LOC128706666: variants seen among roughly 807,000 people sequenced by gnomAD.
At chr20:10,430,040 AAAAAAC>A in the LOC128706666 span, among the ~76,000 whole-genome samples, 5 of 151,946 alleles carry the variant, frequency 3.3e-5, no homozygotes, top group African/African-American at 1.2e-4. Flanking sequence ...ACAAAAAACA[AAAAAAC>A]AAAAACAAAA....
At chr20:10,414,265 C>CTTTTTTTTTTTT in the LOC128706666 span, among the ~76,000 whole-genome samples, 1 of 132,360 alleles carries the variant, frequency 7.6e-6, no homozygotes, top group Non-Finnish European at 1.6e-5. Context: ...GTCTCTGAGT[C>CTTTTTTTTTTTT]TTTTTTTTTT....
At chr20:10,426,889 A>G in the LOC128706666 span, among the ~76,000 whole-genome samples, 1 of 152,200 alleles carries the variant, frequency 6.6e-6, no homozygotes, top group Non-Finnish European at 1.5e-5. Context: ...GGGTTAGTTC[A>G]GTTTTCTTTA....
At chr20:10,422,797 C>T in the LOC128706666 span, among the ~76,000 whole-genome samples, 112 of 151,734 alleles carry the variant, frequency 7.4e-4, 1 homozygote, top group African/African-American at 2.4e-3. Context: ...CTGCAAGCTC[C>T]GCCTCCCAGG....
chr20:10,427,273 T>C, the LOC128706666 span, among the ~76,000 whole-genome samples: 167 of 152,332 alleles, frequency 1.1e-3, no homozygotes, highest in Middle Eastern at 3.4e-3. Context: ...ATTTTGCCTA[T>C]TGGGCTTGCT....
At chr20:10,428,565 G>A in the LOC128706666 span, among the ~76,000 whole-genome samples, 5 of 152,162 alleles carry the variant, frequency 3.3e-5, no homozygotes, top group Admixed American at 2.6e-4. Context: ...TCAGCTGGGC[G>A]CGGTGGCTCA....
chr20:10,425,114 T>C, the LOC128706666 span, among the ~76,000 whole-genome samples: 1 of 151,184 alleles, frequency 6.6e-6, no homozygotes, highest in Non-Finnish European at 1.5e-5. Flanking sequence ...AAATATAGTA[T>C]AGTATAACCT....
At chr20:10,431,473 A>G in the LOC128706666 span, among the ~76,000 whole-genome samples, 3 of 152,110 alleles carry the variant, frequency 2.0e-5, no homozygotes, top group African/African-American at 7.2e-5. Context: ...TACAGGTTTG[A>G]GAAGATAATG....
chr20:10,429,967 C>A, the LOC128706666 span, among the ~76,000 whole-genome samples: 1 of 152,030 alleles, frequency 6.6e-6, no homozygotes, highest in Non-Finnish European at 1.5e-5. Flanking sequence ...AGTTTGAGAC[C>A]CACTGTTCTA....
the LOC128706666 span, among the ~76,000 whole-genome samples, chr20:10,421,416 C>CAAAAAA: frequency 1.2e-5 from 1 of 86,116 alleles, no homozygotes. Flanking sequence ...GACTCCATCA[C>CAAAAAA]AAAAAAAAAA....
chr20:10,419,106 C>A, the LOC128706666 span, among the ~76,000 whole-genome samples: 8,018 of 152,148 alleles, frequency 0.053, 254 homozygotes, highest in Admixed American at 0.079. Flanking sequence ...AAGTCAAAAT[C>A]TCAGACCAAG....
chr20:10,413,876 G>T, the LOC128706666 span: 3 of 424,396 alleles, frequency 7.1e-6, no homozygotes, highest in South Asian at 8.4e-5. Flanking sequence ...TAATCCAACT[G>T]GTATTTTTCA....
At chr20:10,426,811 A>G in the LOC128706666 span, among the ~76,000 whole-genome samples, 1 of 152,214 alleles carries the variant, frequency 6.6e-6, no homozygotes, top group African/African-American at 2.4e-5. Flanking sequence ...AAACAAAAAA[A>G]TTAGAGGGCA....
At chr20:10,416,009 G>A in the LOC128706666 span, among the ~76,000 whole-genome samples, 4 of 152,122 alleles carry the variant, frequency 2.6e-5, no homozygotes, top group Non-Finnish European at 5.9e-5. Flanking sequence ...AAACCACTGG[G>A]GCTGGTTTAT....
the LOC128706666 span, among the ~76,000 whole-genome samples, chr20:10,418,215 C>G: frequency 2.0e-5 from 3 of 152,058 alleles, no homozygotes; most frequent in Non-Finnish European, 4.4e-5. Flanking sequence ...TCTAGCAGTT[C>G]AAAAAACAGA....
At chr20:10,431,537 C>A in the LOC128706666 span, 1 of 79,596 alleles carries the variant, frequency 1.3e-5, no homozygotes, top group Non-Finnish European at 2.4e-5. Flanking sequence ...AAAACCAAAC[C>A]AAACCAAACC....
the LOC128706666 span, among the ~76,000 whole-genome samples, chr20:10,425,974 G>C: frequency 6.6e-6 from 1 of 152,150 alleles, no homozygotes; most frequent in East Asian, 1.9e-4. Flanking sequence ...GATATTTATA[G>C]TTTCATTTAC....
At chr20:10,417,967 A>C in the LOC128706666 span, among the ~76,000 whole-genome samples, 1 of 152,224 alleles carries the variant, frequency 6.6e-6, no homozygotes, top group African/African-American at 2.4e-5. Flanking sequence ...ATTATCTATC[A>C]AATGCAATAC....
chr20:10,432,429 G>A, the LOC128706666 span, among the ~76,000 whole-genome samples: 1 of 152,162 alleles, frequency 6.6e-6, no homozygotes, highest in African/African-American at 2.4e-5. Context: ...TCACCCCTCA[G>A]TATTTGGGGG....
At chr20:10,432,820 GTA>G in the LOC128706666 span, among the ~76,000 whole-genome samples, 1 of 115,260 alleles carries the variant, frequency 8.7e-6, no homozygotes, top group Non-Finnish European at 2.0e-5. Context: ...AAAAAATCGT[GTA>G]GTTTTGTACA....
Sources: allele counts gnomAD v4.1 joint callset (sites outside exome capture counted in the v4.1 genomes callset), GRCh38; gene constraint gnomAD v4.1.1; transcripts MANE v1.5.